TXNRD2: variants seen among roughly 807,000 people sequenced by gnomAD.
The protein encoded by TXNRD2 is thioredoxin reductase 2.
TXNRD2 carries 67 observed loss-of-function variants against 70.8 expected under a neutral mutation model. The observed-to-expected ratio is 0.95, with a 90% CI of 0.78 to 1.16. The LOEUF (loss-of-function observed/expected upper bound fraction) is 1.16. Ranked by LOEUF, TXNRD2 falls within the 50% of genes most tolerant of loss-of-function variation. The probability of loss-of-function intolerance (pLI) is 0.00; values close to 1 mark genes in which losing one functional copy is unlikely to be tolerated. For synonymous variants in TXNRD2, 301 were observed against 295.8 expected, an observed-to-expected ratio of 1.02 and a Z score of -0.18; for missense variants, 644 against 719.9, an observed-to-expected ratio of 0.89 and a Z score of 1.21.
rs1030091825 is a variant in TXNRD2 at position 19,931,194 on chromosome 22, G to C, written c.104-96C>G. ...GGATTGGACACTCCATTCTGTGATGGTCAGGGGTGACAAGACACCACACAA... is the reference window on the plus strand; with the variant it reads ...GGATTGGACACTCCATTCTGTGATGCTCAGGGGTGACAAGACACCACACAA... On this transcript the variant is annotated intron_variant, in intron 1 of 17. Transcript: ENST00000400521. 376 of 1,129,772 alleles carry C rather than the reference G, an allele frequency of 3.3e-4. 5 individuals are homozygous for C. In the South Asian group the frequency reaches 4.1e-3, roughly 12 times the overall value. The allele number at this position is 1,129,772 out of a possible 1,614,324, so 70.0% of individuals were successfully genotyped here. A position where few individuals can be genotyped will look rare whatever the true frequency, so the allele number is the denominator to read the frequency against.
intron 16 of TXNRD2, 61 bp from the exon 17 acceptor site, chr22:19,877,295 C>A: frequency 6.7e-7 from 1 of 1,495,228 alleles, no homozygotes; most frequent in Non-Finnish European, 9.3e-7. Flanking sequence ...TCCACAGCAT[C>A]CCACCCCCGG....
At chr22:19,936,908 T>C (rs1485591550) in intron 1 of TXNRD2, among the ~76,000 whole-genome samples, 1 of 152,214 alleles carries the variant, frequency 6.6e-6, no homozygotes, top group Non-Finnish European at 1.5e-5. Flanking sequence ...CGTGGGCTTA[T>C]TCGGTCATGC....
intron 1 of TXNRD2, among the ~76,000 whole-genome samples, chr22:19,931,429 A>G (rs1403672977): frequency 6.6e-6 from 1 of 152,176 alleles, no homozygotes; most frequent in Non-Finnish European, 1.5e-5. Context: ...TTTTTGAGAC[A>G]GGATCTCACT....
At chr22:19,931,270 C>T (rs1317186506) in intron 1 of TXNRD2, among the ~76,000 whole-genome samples, 172 bp from the exon 2 acceptor site, 1 of 152,196 alleles carries the variant, frequency 6.6e-6, no homozygotes, top group Non-Finnish European at 1.5e-5. Flanking sequence ...ATCCAGAGAC[C>T]AAGCCATATG....
At chr22:19,938,943 T>C (rs1941614568) in intron 1 of TXNRD2, among the ~76,000 whole-genome samples, 1 of 152,186 alleles carries the variant, frequency 6.6e-6, no homozygotes, top group Non-Finnish European at 1.5e-5. Context: ...AAAACAATAC[T>C]CTGACTGCAG....
intron 11 of TXNRD2, 134 bp downstream of exon 11, chr22:19,895,273 C>T (rs541058307): frequency 3.5e-5 from 55 of 1,592,544 alleles, no homozygotes; most frequent in Non-Finnish European, 4.6e-5. Flanking sequence ...TCTCGAGGTG[C>T]ACTGGGGAGC....
chr22:19,915,722 A>C (rs753726176), intron 6 of TXNRD2, 43 bp downstream of exon 6: 1 of 1,588,368 alleles, frequency 6.3e-7, no homozygotes, highest in South Asian at 1.1e-5. Flanking sequence ...CAAGGTCTGC[A>C]GAAGGGTCCA....
intron 1 of TXNRD2, 94 bp from the exon 2 acceptor site, chr22:19,931,192 T>C (rs921204071): frequency 1.2e-4 from 141 of 1,129,550 alleles, no homozygotes; most frequent in Non-Finnish European, 2.7e-5. Flanking sequence ...CATTCTGTGA[T>C]GGTCAGGGGT....
In TXNRD2 at chr22:19,878,491, C is replaced by A. The variant is rs1001606776; in HGVS notation, c.1276-54G>T. The A allele has an allele frequency of 3.3e-6, 5 of 1,513,036 alleles. No individual in the cohort carries two copies. The African/African-American group carries it at 6.9e-5, about 21-fold the overall frequency. 93.7% of individuals were successfully genotyped at this position (1,513,036 alleles called of 1,614,324 possible). On this transcript the variant is annotated intron_variant, in intron 14 of 17. Transcript: ENST00000400521. ...GTGCTGCGACAAACAAACCTCGTGG[C>A]ACCTGCAGCTCCCACAGGCTGCATG...
At chr22:19,940,028 G>A (rs761841595) in intron 1 of TXNRD2, among the ~76,000 whole-genome samples, 1 of 152,084 alleles carries the variant, frequency 6.6e-6, no homozygotes, top group Non-Finnish European at 1.5e-5. Flanking sequence ...TGGATCATGA[G>A]GTCAGGAGAT....
intron 1 of TXNRD2, chr22:19,938,309 T>C (rs1941598097): frequency 6.6e-6 from 1 of 152,184 alleles, no homozygotes; most frequent in Admixed American, 6.5e-5. Context: ...GGCCAGTGAG[T>C]CAATTGCTCA....
At chr22:19,878,003 G>T in intron 16 of TXNRD2, 87 bp downstream of exon 16, 1 of 1,120,698 alleles carries the variant, frequency 8.9e-7, no homozygotes, top group Non-Finnish European at 1.3e-6. Flanking sequence ...CCGCAAGAGT[G>T]GCAGCAGCTC....
rs941931675 is a variant in TXNRD2 at position 19,941,810 on chromosome 22, G to C, written c.-7C>G. Reference sequence around the variant, plus strand: ...CCACCGCCATTGCCGCCATCGTCGTGGGGCTTCTGGGGCAGCTAGGGCTGC... The same window carrying C: ...CCACCGCCATTGCCGCCATCGTCGTCGGGCTTCTGGGGCAGCTAGGGCTGC... On this transcript the variant is annotated 5_prime_UTR_variant, in exon 1 of 18. Transcript: ENST00000400521. The C allele has an allele frequency of 2.0e-6, 3 of 1,530,230 alleles. No individual in the cohort carries two copies. Among genetic ancestry groups the C allele is most frequent in the Non-Finnish European group, 2.6e-6 (3 of 1,149,462 alleles). The allele number at this position is 1,530,230 out of a possible 1,614,324, so 94.8% of individuals were successfully genotyped here. A position where few individuals can be genotyped will look rare whatever the true frequency, so the allele number is the denominator to read the frequency against.
At chr22:19,890,751 G>A (rs1338729265) in intron 11 of TXNRD2, among the ~76,000 whole-genome samples, 2 of 152,180 alleles carry the variant, frequency 1.3e-5, no homozygotes, top group South Asian at 2.1e-4. Context: ...CTCAACAGAG[G>A]GACAATCCGC....
chr22:19,941,662 G>C, intron 1 of TXNRD2, 39 bp downstream of exon 1: 1 of 1,435,390 alleles, frequency 7.0e-7, no homozygotes, highest in South Asian at 1.4e-5. Flanking sequence ...CCCCGGCCGC[G>C]CGGACACCTA....
intron 7 of TXNRD2, among the ~76,000 whole-genome samples, chr22:19,911,832 AGGGGCATGCAG>A (rs1420512300): frequency 6.6e-6 from 1 of 152,154 alleles, no homozygotes; most frequent in Non-Finnish European, 1.5e-5. Context: ...TCAAACAGAC[AGGGGCATGCAG>A]CCCCAGGGAG....
chr22:19,898,309 C>G (rs1939610466), intron 9 of TXNRD2, among the ~76,000 whole-genome samples, 179 bp from the exon 10 acceptor site: 1 of 152,194 alleles, frequency 6.6e-6, no homozygotes, highest in Non-Finnish European at 1.5e-5. Flanking sequence ...TAGCAAGGAG[C>G]CGCCAAGCAG....
chr22:19,940,775 G>A (rs1464809755), intron 1 of TXNRD2, among the ~76,000 whole-genome samples: 1 of 152,136 alleles, frequency 6.6e-6, no homozygotes, highest in East Asian at 1.9e-4. Context: ...CCTGGCTGAG[G>A]GTTCCAGGTC....
chr22:19,922,781 G>T (rs1351135943), intron 2 of TXNRD2, among the ~76,000 whole-genome samples: 2 of 152,058 alleles, frequency 1.3e-5, no homozygotes, highest in Non-Finnish European at 2.9e-5. Context: ...CCACCTCCTG[G>T]GTTCAAGCGA....
Sources: allele counts gnomAD v4.1 joint callset (sites outside exome capture counted in the v4.1 genomes callset), GRCh38; gene constraint gnomAD v4.1.1; transcripts MANE v1.5; gene names NCBI Gene and HGNC (gene_info 2026-07-23, HGNC 2026-07-21).